SLC44A1: variants seen among roughly 807,000 people sequenced by gnomAD.
SLC44A1 encodes choline transporter-like protein 1.
In SLC44A1, 26 loss-of-function variants were observed where a neutral mutation model predicts 79.3. That is an observed-to-expected ratio of 0.33 (90% confidence interval 0.24 to 0.46). The LOEUF is 0.46. Ranked by LOEUF, SLC44A1 falls within the 20% of genes least tolerant of loss-of-function variation. The pLI is 1.00. For synonymous variants in SLC44A1, 263 were observed against 286.2 expected (o/e 0.92, Z 0.82); for missense variants, 688 against 798.1 (o/e 0.86, Z 1.66).
chr9:105,271,150 T>A (rs1830067441), intron 1 of SLC44A1, among the ~76,000 whole-genome samples: 1 of 152,258 alleles, frequency 6.6e-6, no homozygotes, highest in African/African-American at 2.4e-5. Flanking sequence ...GACACATTTC[T>A]CAAATTTCTG....
intron 1 of SLC44A1, among the ~76,000 whole-genome samples, chr9:105,281,303 C>T (rs982001209): frequency 2.6e-5 from 4 of 152,140 alleles, no homozygotes; most frequent in South Asian, 4.1e-4. Context: ...CTTTTCTTTC[C>T]GAAACCTATG....
intron 15 of SLC44A1, among the ~76,000 whole-genome samples, chr9:105,387,059 A>AC (rs1368465634): frequency 2.3e-5 from 1 of 44,294 alleles, no homozygotes; most frequent in African/African-American, 8.1e-5. Flanking sequence ...AAAAAAAAAA[A>AC]AATATATATA....
At chr9:105,413,940 G>C (rs1287807169) in intron 15 of SLC44A1, among the ~76,000 whole-genome samples, 3 of 151,500 alleles carry the variant, frequency 2.0e-5, no homozygotes, top group Non-Finnish European at 2.9e-5. Context: ...CTAATTCAAT[G>C]ACCTTTAAAG....
intron 1 of SLC44A1, among the ~76,000 whole-genome samples, chr9:105,273,964 T>C (rs1206841942): frequency 6.6e-6 from 1 of 152,194 alleles, no homozygotes; most frequent in African/African-American, 2.4e-5. Flanking sequence ...TGTTAATGAA[T>C]GTGATAGTTC....
chr9:105,366,455 A>G (rs373307118), intron 12 of SLC44A1, 26 bp downstream of exon 12: 7 of 1,027,240 alleles, frequency 6.8e-6, no homozygotes, highest in Non-Finnish European at 8.4e-6. Context: ...AATAAATCTA[A>G]TATTTACTTT....
At chr9:105,363,146 C>A in intron 9 of SLC44A1, 139 bp downstream of exon 9, 1 of 647,180 alleles carries the variant, frequency 1.5e-6, no homozygotes, top group Non-Finnish European at 2.6e-6. Context: ...GTTATGGCTC[C>A]TCAACAACCT....
chr9:105,390,540 A>G lies in SLC44A1; in HGVS notation c.*1484A>G, dbSNP rs7018714. On this transcript the variant is annotated 3_prime_UTR_variant, in exon 16 of 16. Transcript: ENST00000374720. The stretch of plus-strand genomic sequence containing the variant: ...GAACTAGACAGTGAATTAGATCGGT[A>G]TTATGGAAATGCATACAAGTAATGT... 7.5e-5 allele frequency: 74 copies of G among 985,048 alleles called. No homozygotes were observed. The African/African-American group carries it at 1.2e-3, about 17-fold the overall frequency. 61.0% of individuals were successfully genotyped at this position (985,048 alleles called of 1,614,324 possible). A position where few individuals can be genotyped will look rare whatever the true frequency, so the allele number is the denominator to read the frequency against.
chr9:105,314,395 A>G (rs1294443445), intron 3 of SLC44A1, among the ~76,000 whole-genome samples: 1 of 152,194 alleles, frequency 6.6e-6, no homozygotes, highest in South Asian at 2.1e-4. Flanking sequence ...TCTTTTTGAC[A>G]TAAGTATTAA....
intron 1 of SLC44A1, among the ~76,000 whole-genome samples, chr9:105,283,666 T>TA (rs1830410477): frequency 6.6e-6 from 1 of 152,220 alleles, no homozygotes; most frequent in African/African-American, 2.4e-5. Flanking sequence ...TAAGAACTAT[T>TA]ACATTTATTC....
intron 12 of SLC44A1, among the ~76,000 whole-genome samples, chr9:105,370,090 G>C (rs1828053322): frequency 6.6e-6 from 1 of 152,232 alleles, no homozygotes; most frequent in Non-Finnish European, 1.5e-5. Context: ...GATAAGGAAG[G>C]CTGTCTGAGA....
chr9:105,255,406 G>A (rs1479479647), intron 1 of SLC44A1, among the ~76,000 whole-genome samples: 1 of 152,092 alleles, frequency 6.6e-6, no homozygotes, highest in Non-Finnish European at 1.5e-5. Context: ...GATACATTAA[G>A]AGCCATAAAA....
chr9:105,254,492 G>A (rs1000996229), intron 1 of SLC44A1, among the ~76,000 whole-genome samples: 1 of 152,228 alleles, frequency 6.6e-6, no homozygotes, highest in Admixed American at 6.5e-5. Context: ...CGGCAGGGAT[G>A]CAGGATTGGG....
At chr9:105,292,624 T>C (rs1455489404) in intron 1 of SLC44A1, among the ~76,000 whole-genome samples, 2 of 152,214 alleles carry the variant, frequency 1.3e-5, no homozygotes, top group Non-Finnish European at 2.9e-5. Flanking sequence ...ATCATTTTAA[T>C]GTTTGCCTCA....
intron 1 of SLC44A1, among the ~76,000 whole-genome samples, chr9:105,258,889 G>T (rs1320401797): frequency 1.3e-5 from 2 of 150,908 alleles, no homozygotes; most frequent in South Asian, 2.1e-4. Flanking sequence ...TTTTTTGGTA[G>T]AGAGGGGGTT....
At chr9:105,314,677 C>T (rs1831272155) in intron 3 of SLC44A1, among the ~76,000 whole-genome samples, 1 of 152,154 alleles carries the variant, frequency 6.6e-6, no homozygotes, top group South Asian at 2.1e-4. Context: ...TCTGTATTAA[C>T]AGGTTGTAAA....
At chr9:105,312,746 A>G (rs1831213647) in intron 3 of SLC44A1, among the ~76,000 whole-genome samples, 1 of 152,080 alleles carries the variant, frequency 6.6e-6, no homozygotes, top group South Asian at 2.1e-4. Context: ...TTTAATTTGC[A>G]TGTCTTTGAT....
chr9:105,373,977 T>G (rs1564465789), intron 12 of SLC44A1, among the ~76,000 whole-genome samples: 1 of 152,198 alleles, frequency 6.6e-6, no homozygotes, highest in Non-Finnish European at 1.5e-5. Flanking sequence ...TCCCCAGAGC[T>G]GGAGGTAGTG....
intron 13 of SLC44A1, among the ~76,000 whole-genome samples, chr9:105,375,439 T>C (rs946616794): frequency 6.6e-6 from 1 of 152,230 alleles, no homozygotes; most frequent in Non-Finnish European, 1.5e-5. Context: ...CAGTTCTGAC[T>C]CTATCACTGA....
At chr9:105,291,003 T>C (rs769286131) in intron 1 of SLC44A1, among the ~76,000 whole-genome samples, 1 of 152,220 alleles carries the variant, frequency 6.6e-6, no homozygotes, top group Non-Finnish European at 1.5e-5. Flanking sequence ...TAAGTAGTTA[T>C]GCACTCCAGA....
Sources: gnomAD v4.1 joint callset for allele counts (sites outside exome capture counted in the v4.1 genomes callset) on GRCh38, gnomAD v4.1.1 for gene constraint, MANE v1.5 for transcripts, NCBI Gene and HGNC (gene_info 2026-07-23, HGNC 2026-07-21) for gene names.